Variants in PLD1 observed in about 807,000 individuals in gnomAD.
PLD1 encodes the protein phospholipase D1.
Under a neutral mutation model 137.1 loss-of-function variants are expected in PLD1, and 112 were observed. The observed-to-expected ratio is 0.82, with a 90% CI of 0.70 to 0.96. The LOEUF is 0.96. Among genes scored for constraint, PLD1 ranks in the 40% least tolerant of loss-of-function variants. The pLI, the probability that PLD1 is intolerant of heterozygous loss-of-function variation, is 0.00. For synonymous variants in PLD1, 431 were observed against 454.7 expected (o/e 0.95, Z 0.66); for missense variants, 1,321 against 1,342.0 (o/e 0.98, Z 0.24).
At position 171,602,973 on chromosome 3, in the gene PLD1, T is replaced by A; in HGVS notation, c.*105A>T. The A allele has an allele frequency of 1.3e-6, 1 of 766,922 alleles. No individual in the cohort carries two copies. The highest frequency in any genetic ancestry group is 2.2e-6 in the Non-Finnish European group (1 of 455,956). The allele number at this position is 766,922 out of a possible 1,614,324, so 47.5% of individuals were successfully genotyped here. A position where few individuals can be genotyped will look rare whatever the true frequency, so the allele number is the denominator to read the frequency against. On this transcript the variant is annotated 3_prime_UTR_variant, in exon 27 of 27. Coordinates refer to ENST00000351298, the MANE Select transcript of PLD1 (RefSeq NM_002662.5). ...CATTCCAAAAGGTCCTTGGGTTGGA[T>A]ACGAGAATGCGTCAGGCCTGGCTTT...
intron 9 of PLD1, among the ~76,000 whole-genome samples, chr3:171,713,492 T>C (rs1717428649): frequency 6.6e-6 from 1 of 152,164 alleles, no homozygotes; most frequent in Admixed American, 6.5e-5. Context: ...AAAGAAGATA[T>C]CTTTCTTAAA....
At chr3:171,737,443 C>A in intron 3 of PLD1, 89 bp downstream of exon 3, 1 of 1,109,136 alleles carries the variant, frequency 9.0e-7, no homozygotes, top group Non-Finnish European at 1.3e-6. Flanking sequence ...CAAACATGAT[C>A]ATAGCTAAGA....
At chr3:171,764,872 A>AAGG (rs1721743224) in intron 1 of PLD1, among the ~76,000 whole-genome samples, 1 of 26,014 alleles carries the variant, frequency 3.8e-5, no homozygotes, top group Non-Finnish European at 8.7e-5. Context: ...AGAAAGAAAG[A>AAGG]AAGAAAGAAA....
chr3:171,801,484 T>TA (rs547163043), intron 1 of PLD1, among the ~76,000 whole-genome samples: 410 of 152,324 alleles, frequency 2.7e-3, no homozygotes, highest in Middle Eastern at 0.01. Context: ...GCTGGAGTGC[T>TA]ATGGCACGAT....
Position 171,692,418 on chromosome 3 carries a change from T to C in PLD1, c.1252A>G (p.Met418Val). 1 of 1,592,976 alleles carries C rather than the reference T, an allele frequency of 6.3e-7. No homozygotes were observed. The highest frequency in any genetic ancestry group is 8.6e-7 in the Non-Finnish European group (1 of 1,160,744). The change falls in exon 13 of 27, where the codon ATG becomes GTG. Residue 418 changes from methionine to valine, a missense_variant. Transcript: ENST00000351298. ...KAQQGVRIFI[M>V]LYKEVELALG... Reference sequence around the variant, plus strand: ...GCGAGTTCCACCTCTTTGTAGAGCATTATGAAGATCCTCACTCCTTGTTGC... The same window carrying C: ...GCGAGTTCCACCTCTTTGTAGAGCACTATGAAGATCCTCACTCCTTGTTGC...
intron 19 of PLD1, among the ~76,000 whole-genome samples, chr3:171,671,257 A>T (rs1257764946): frequency 6.6e-6 from 1 of 152,166 alleles, no homozygotes; most frequent in Non-Finnish European, 1.5e-5. Context: ...CATGCTGCAA[A>T]ATTTATATTA....
intron 1 of PLD1, among the ~76,000 whole-genome samples, chr3:171,804,477 G>A (rs1286680113): frequency 6.6e-6 from 1 of 152,128 alleles, no homozygotes; most frequent in Non-Finnish European, 1.5e-5. Context: ...CTTTCATTCA[G>A]TTCACATCTA....
At chr3:171,715,415 TG>T (rs1444211682) in intron 8 of PLD1, among the ~76,000 whole-genome samples, 1 of 152,222 alleles carries the variant, frequency 6.6e-6, no homozygotes. Context: ...GTTTGTTTTT[TG>T]TTTTTGTTTT....
chr3:171,724,569 A>G, intron 8 of PLD1, 127 bp downstream of exon 8: 1 of 614,980 alleles, frequency 1.6e-6, no homozygotes, highest in Non-Finnish European at 2.9e-6. Flanking sequence ...TTGGATTTTA[A>G]AATATAATTA....
chr3:171,674,759 CTT>C, intron 18 of PLD1, 146 bp from the exon 19 acceptor site: 1 of 472,350 alleles, frequency 2.1e-6, no homozygotes, highest in Non-Finnish European at 3.9e-6. Flanking sequence ...GCGGGGATCA[CTT>C]GAGGTCAGGA....
In PLD1 at chr3:171,659,224, C is replaced by A. The variant is rs1260622987; in HGVS notation, c.2418G>T (p.Leu806=). The A allele has an allele frequency of 1.9e-6, 3 of 1,610,976 alleles. No homozygotes were observed. The South Asian group carries it at 3.3e-5, about 18-fold the overall frequency. Residue 806 remains leucine, a synonymous_variant, in exon 21 of 27, where the codon CTG becomes CTT. Coordinates refer to ENST00000351298, the MANE Select transcript of PLD1 (RefSeq NM_002662.5). Reference sequence around the variant, plus strand: ...CCAAAGGCTGTTACCTGTGAGCTTTCAGGATCCTCTGGGCAATGGCATCGC... The same window carrying A: ...CCAAAGGCTGTTACCTGTGAGCTTTAAGGATCCTCTGGGCAATGGCATCGC... ...KIGDAIAQRI[L]KAHRENQKYR...
intron 1 of PLD1, among the ~76,000 whole-genome samples, chr3:171,764,937 A>AGGAAGGAAGGAAG (rs1721825691): frequency 8.9e-5 from 1 of 11,208 alleles, no homozygotes; most frequent in African/African-American, 3.4e-4. Context: ...AAGAAAGGAA[A>AGGAAGGAAGGAAG]GAAAGAAAGA....
intron 23 of PLD1, 28 bp from the exon 24 acceptor site, chr3:171,620,548 A>C: frequency 7.1e-7 from 1 of 1,398,952 alleles, no homozygotes; most frequent in Non-Finnish European, 1.0e-6. Flanking sequence ...AATTATTAAA[A>C]TTAATATGAC....
rs1456685056 is a variant in PLD1 at position 171,709,664 on chromosome 3, C to T, written c.957G>A (p.Trp319Ter). The change falls in exon 10 of 27, where the codon TGG becomes TGA. Residue 319 changes from tryptophan to a stop codon, truncating the protein, a stop_gained. Coordinates refer to ENST00000351298, the MANE Select transcript of PLD1 (RefSeq NM_002662.5). LOFTEE classifies it high-confidence loss of function. The part of the protein sequence containing the change: ...KCNSYRHARW[W>*]GGAIEEFIQK... ...GGATGAATTCTTCTATAGCCCCTCCCCACCACCGAGCATGTCTATAGCTGT... is the reference window on the plus strand; with the variant it reads ...GGATGAATTCTTCTATAGCCCCTCCTCACCACCGAGCATGTCTATAGCTGT... 2 of 1,613,876 alleles carry T rather than the reference C, an allele frequency of 1.2e-6. No homozygotes were observed. Among genetic ancestry groups the T allele is most frequent in the African/African-American group, 2.7e-5 (2 of 74,920 alleles).
Position 171,780,119 on chromosome 3 carries a change from G to A in PLD1, c.-32+30280C>T, listed in dbSNP as rs375882026. ...TTATATACATAAGTCTGAGATTCAGGAATGGGGTTTGGATATGTAAGTCTG... is the reference window on the plus strand; with the variant it reads ...TTATATACATAAGTCTGAGATTCAGAAATGGGGTTTGGATATGTAAGTCTG... On this transcript the variant is annotated intron_variant, in intron 1 of 26. Transcript: ENST00000351298. 2.3e-3 allele frequency among the ~76,000 whole-genome samples: 310 copies of A among 135,876 alleles called. 1 individual carries two copies. The highest frequency in any genetic ancestry group is 0.011 in the African/African-American group (288 of 26,172). The allele number at this position is 135,876 out of a possible 152,430, so 89.1% of individuals were successfully genotyped here. A position where few individuals can be genotyped will look rare whatever the true frequency, so the allele number is the denominator to read the frequency against.
At chr3:171,684,394 G>A (rs1714340240) in intron 16 of PLD1, among the ~76,000 whole-genome samples, 1 of 151,762 alleles carries the variant, frequency 6.6e-6, no homozygotes, top group Admixed American at 6.6e-5. Context: ...CTCTAATATC[G>A]GCCACTGCAT....
intron 11 of PLD1, among the ~76,000 whole-genome samples, chr3:171,700,346 T>TCTCTCC (rs1480304627): frequency 6.6e-6 from 1 of 151,472 alleles, no homozygotes; most frequent in Middle Eastern, 3.4e-3. Context: ...TCTCTCTCTC[T>TCTCTCC]CTCTCCCTCT....
In PLD1 at chr3:171,680,242, C is replaced by CTTTTTTTTTTTTTTTTTTTTTTTTTT. The variant is rs571538714; in HGVS notation, c.1868-2574_1868-2549dup. On this transcript the variant is annotated intron_variant, in intron 16 of 26. Coordinates refer to ENST00000351298, the MANE Select transcript of PLD1 (RefSeq NM_002662.5). ...GTCTTTTTGTTTTCTTTTTCTTCCT[C>CTTTTTTTTTTTTTTTTTTTTTTTTTT]TTTTTTTTTTTTTTTTTTTTTTTTT... Among the ~76,000 whole-genome samples the CTTTTTTTTTTTTTTTTTTTTTTTTTT allele has an allele frequency of 3.9e-5, 4 of 102,928 alleles. 1 individual carries two copies. Among genetic ancestry groups the CTTTTTTTTTTTTTTTTTTTTTTTTTT allele is most frequent in the Non-Finnish European group, 1.9e-5 (1 of 52,644 alleles). 67.5% of individuals were successfully genotyped at this position (102,928 alleles called of 152,430 possible). A position where few individuals can be genotyped will look rare whatever the true frequency, so the allele number is the denominator to read the frequency against.
At chr3:171,650,126 C>A (rs565135637) in intron 21 of PLD1, among the ~76,000 whole-genome samples, 6 of 152,298 alleles carry the variant, frequency 3.9e-5, no homozygotes, top group African/African-American at 1.4e-4. Context: ...AAAACATCAA[C>A]TTCTTTTAGA....
Sources: allele counts gnomAD v4.1 joint callset (sites outside exome capture counted in the v4.1 genomes callset), GRCh38; gene constraint gnomAD v4.1.1; transcripts MANE v1.5; gene names NCBI Gene and HGNC (gene_info 2026-07-23, HGNC 2026-07-21).